Variants in ZMPSTE24 observed in about 807,000 individuals in gnomAD.
The protein encoded by ZMPSTE24 is zinc metallopeptidase STE24, also known as CAAX prenyl protease 1 homolog.
Under a neutral mutation model 56.7 loss-of-function variants are expected in ZMPSTE24, and 48 were observed. The observed-to-expected ratio is 0.85, with a 90% confidence interval of 0.67 to 1.08. The LOEUF (loss-of-function observed/expected upper bound fraction) is 1.08, where lower values mean the gene tolerates loss of function less well. ZMPSTE24 is among the 50% of genes least tolerant of loss of function. The probability of loss-of-function intolerance (pLI) is 0.00; values close to 1 mark genes in which losing one functional copy is unlikely to be tolerated. For synonymous variants in ZMPSTE24, 172 were observed against 195.2 expected (o/e 0.88, Z 0.99); for missense variants, 503 against 548.7 (o/e 0.92, Z 0.83).
At chr1:40,285,747 T>A (rs1643780783) in intron 7 of ZMPSTE24, among the ~76,000 whole-genome samples, 178 bp from the exon 8 acceptor site, 1 of 152,198 alleles carries the variant, frequency 6.6e-6, no homozygotes, top group Admixed American at 6.5e-5. Flanking sequence ...TCTTCAGTGC[T>A]TAACCCACTG....
chr1:40,286,033 A>G lies in ZMPSTE24; in HGVS notation c.1059+4A>G, dbSNP rs776195907. 13 of 1,609,366 alleles carry G rather than the reference A, an allele frequency of 8.1e-6. No homozygotes were observed. The Admixed American group carries it at 1.5e-4, about 19-fold the overall frequency. Reference sequence around the variant, plus strand: ...CAAAAATATCATTATTAGCCAGGTAAGTGTGGAGTGACAATTCTTTTTTTA... The same window carrying G: ...CAAAAATATCATTATTAGCCAGGTAGGTGTGGAGTGACAATTCTTTTTTTA... On this transcript the variant is annotated splice_donor_region_variant and intron_variant, in intron 8 of 9. Transcript: ENST00000372759.
chr1:40,290,629 T>G (rs918502856), intron 8 of ZMPSTE24: 1 of 410,422 alleles, frequency 2.4e-6, no homozygotes, highest in South Asian at 2.2e-5. Context: ...TCCGGCTAAT[T>G]TTTTCTGCAT....
intron 7 of ZMPSTE24, among the ~76,000 whole-genome samples, chr1:40,282,693 T>G (rs1232897379): frequency 6.6e-6 from 1 of 152,238 alleles, no homozygotes; most frequent in Non-Finnish European, 1.5e-5. Context: ...CAGTAGGGTT[T>G]CTCAAGCCCC....
intron 6 of ZMPSTE24, among the ~76,000 whole-genome samples, chr1:40,273,516 T>TAAAAAAAAAAA (rs1205861105): frequency 2.8e-4 from 3 of 10,584 alleles, no homozygotes; most frequent in Admixed American, 1.8e-3. Flanking sequence ...AAATTCTGTC[T>TAAAAAAAAAAA]AAAAAAAAAA....
intron 7 of ZMPSTE24, among the ~76,000 whole-genome samples, chr1:40,282,297 C>T (rs1417153244): frequency 6.6e-6 from 1 of 152,102 alleles, no homozygotes; most frequent in East Asian, 1.9e-4. Flanking sequence ...ATAAGATTGA[C>T]TGATATTGAT....
chr1:40,264,891 A>AG (rs1643534080), intron 2 of ZMPSTE24, among the ~76,000 whole-genome samples: 1 of 151,504 alleles, frequency 6.6e-6, no homozygotes, highest in Admixed American at 6.6e-5. Flanking sequence ...AAAAAAAAAA[A>AG]AAAAAAAAAG....
At chr1:40,290,778 T>C (rs1007610439) in intron 8 of ZMPSTE24, 76 bp from the exon 9 acceptor site, 61 of 1,573,068 alleles carry the variant, frequency 3.9e-5, no homozygotes, top group Non-Finnish European at 7.0e-6. Flanking sequence ...TGATTTCTTA[T>C]ACTTTATGGA....
intron 6 of ZMPSTE24, among the ~76,000 whole-genome samples, chr1:40,272,527 A>G (rs1569634213): frequency 6.6e-6 from 1 of 152,328 alleles, no homozygotes; most frequent in East Asian, 1.9e-4. Flanking sequence ...AAGATTGATT[A>G]CCAAAGACTG....
In ZMPSTE24 at chr1:40,285,955, G is replaced by A; in HGVS notation, c.985G>A (p.Val329Ile). The change falls in exon 8 of 10, where the codon GTA (valine) becomes ATA (isoleucine). Residue 329 changes from valine (V) to isoleucine (I), a missense_variant. Physicochemically the swap from Val to Ile is conservative, Grantham distance 29. Coordinates refer to ENST00000372759, the MANE Select transcript of ZMPSTE24 (RefSeq NM_005857.5). ...NKKQGCKNEE[V>I]LAVLGHELGH... Reference sequence around the variant, plus strand: ...GAAACAAGGATGTAAAAATGAGGAGGTACTCGCTGTACTAGGCCATGAACT... The same window carrying A: ...GAAACAAGGATGTAAAAATGAGGAGATACTCGCTGTACTAGGCCATGAACT... 3 of 1,613,848 alleles carry A rather than the reference G, an allele frequency of 1.9e-6. No individual in the cohort carries two copies. Among genetic ancestry groups the A allele is most frequent in the Non-Finnish European group, 2.5e-6 (3 of 1,179,884 alleles).
chr1:40,290,619 T>C (rs776709294), intron 8 of ZMPSTE24: 20 of 394,766 alleles, frequency 5.1e-5, no homozygotes, highest in Non-Finnish European at 9.0e-5. Flanking sequence ...CGCCACCACG[T>C]CCGGCTAATT....
intron 7 of ZMPSTE24, among the ~76,000 whole-genome samples, chr1:40,281,994 A>G (rs1426569425): frequency 6.6e-6 from 1 of 152,192 alleles, no homozygotes; most frequent in Non-Finnish European, 1.5e-5. Flanking sequence ...GTAGCTTTGT[A>G]TCCTTGGATA....
intron 5 of ZMPSTE24, among the ~76,000 whole-genome samples, chr1:40,271,535 A>C (rs1643614056): frequency 6.6e-6 from 1 of 152,194 alleles, no homozygotes; most frequent in Non-Finnish European, 1.5e-5. Context: ...ATTACGCTAA[A>C]AGGTAGAACT....
rs993086832 is a variant in ZMPSTE24 at position 40,272,054 on chromosome 1, A to G, written c.769+19A>G. On this transcript the variant is annotated intron_variant, in intron 6 of 9. Coordinates refer to ENST00000372759, the MANE Select transcript of ZMPSTE24 (RefSeq NM_005857.5). ...GTGGAAGGTAAGGCTACCTGGGGATAAGAAAGTTTTATCCAAGTGGTTTGT... is the reference window on the plus strand; with the variant it reads ...GTGGAAGGTAAGGCTACCTGGGGATGAGAAAGTTTTATCCAAGTGGTTTGT... 1.9e-6 allele frequency: 3 copies of G among 1,582,612 alleles called. No homozygotes were observed. The highest frequency in any genetic ancestry group is 1.8e-5 in the Admixed American group (1 of 55,668).
chr1:40,274,017 A>T (rs1439887385), intron 6 of ZMPSTE24, among the ~76,000 whole-genome samples: 2 of 152,104 alleles, frequency 1.3e-5, no homozygotes, highest in Non-Finnish European at 2.9e-5. Flanking sequence ...GTTAATGGGA[A>T]GTCAAGATTT....
At chr1:40,267,762 A>G in intron 2 of ZMPSTE24, 24 bp from the exon 3 acceptor site, 1 of 1,542,994 alleles carries the variant, frequency 6.5e-7, no homozygotes, top group Admixed American at 1.7e-5. Flanking sequence ...TTCAACTGTG[A>G]TCAAAGTATG....
rs563305441 is a variant in ZMPSTE24, at chr1:40,290,945, C to T, written c.1151C>T (p.Thr384Ile). 3 of 1,614,096 alleles carry T rather than the reference C, an allele frequency of 1.9e-6. No homozygotes were observed. The highest frequency in any genetic ancestry group is 1.7e-6 in the Non-Finnish European group (2 of 1,180,004). The change falls in exon 9 of 10, where the codon ACT (threonine) becomes ATT (isoleucine). Residue 384 changes from threonine to isoleucine, a missense_variant. Transcript: ENST00000372759. ...TTTGGTTTTTATGATAGCCAACCCA[C>T]TCTTATTGGACTATTGATCATCTTC... ...AAFGFYDSQP[T>I]LIGLLIIFQF...
In ZMPSTE24 at chr1:40,260,813, A is replaced by G. The variant is rs1354091150; in HGVS notation, c.124-26A>G. 2.5e-6 allele frequency: 4 copies of G among 1,606,494 alleles called. No homozygotes were observed. The South Asian group carries it at 3.3e-5, about 13-fold the overall frequency. ...TATTGTAATAAACAACTATTTCACTAAAGTGTTTTCTTTAAAATATTTCAG... is the reference window on the plus strand; with the variant it reads ...TATTGTAATAAACAACTATTTCACTGAAGTGTTTTCTTTAAAATATTTCAG... On this transcript the variant is annotated intron_variant, in intron 1 of 9. Transcript: ENST00000372759.
At chr1:40,275,265 C>CAAAAAAAA (rs869166476) in intron 6 of ZMPSTE24, among the ~76,000 whole-genome samples, 45 of 38,598 alleles carry the variant, frequency 1.2e-3, no homozygotes, top group African/African-American at 1.4e-3. Flanking sequence ...ACTAAAAATA[C>CAAAAAAAA]AAAAAAAAAA....
chr1:40,278,557 CAAAAAA>C (rs397979953), intron 6 of ZMPSTE24, among the ~76,000 whole-genome samples: 14 of 19,560 alleles, frequency 7.2e-4, no homozygotes, highest in East Asian at 6.6e-3. Context: ...GACTCCGTCT[CAAAAAA>C]AAAAAAAAAA....
Sources: gnomAD v4.1 joint callset for allele counts (sites outside exome capture counted in the v4.1 genomes callset) on GRCh38, gnomAD v4.1.1 for gene constraint, MANE v1.5 for transcripts, NCBI Gene and HGNC (gene_info 2026-07-23, HGNC 2026-07-21) for gene names.